Variants in COPS4 observed in about 807,000 individuals in gnomAD.
COPS4 encodes the protein COP9 signalosome complex subunit 4.
Under a neutral mutation model 55.1 loss-of-function variants are expected in COPS4, and 8 were observed. The observed-to-expected ratio is 0.15, with a 90% CI of 0.09 to 0.26. The LOEUF (loss-of-function observed/expected upper bound fraction) is 0.26. Among genes scored for constraint, COPS4 ranks in the 10% least tolerant of loss-of-function variants. The pLI is 1.00. For missense variants in COPS4, 248 were observed against 484.0 expected, an observed-to-expected ratio of 0.51 and a Z score of 4.58; for synonymous variants, 185 against 165.7, an observed-to-expected ratio of 1.12 and a Z score of -0.90.
intron 6 of COPS4, among the ~76,000 whole-genome samples, chr4:83,060,310 A>G (rs1217847069): frequency 3.0e-5 from 4 of 133,610 alleles, no homozygotes; most frequent in Non-Finnish European, 6.1e-5. Context: ...CAGCCTCCGG[A>G]GTAGCTGGGA....
rs774903939 is a variant in COPS4 at position 83,056,977 on chromosome 4, A to G, written c.462A>G (p.Leu154=). 4 of 1,613,428 alleles carry G rather than the reference A, an allele frequency of 2.5e-6. No individual in the cohort carries two copies. The highest frequency in any genetic ancestry group is 1.7e-5 in the Admixed American group (1 of 60,018). ...KLETYLKIAR[L]YLEDDDPVQA... Reference sequence around the variant, plus strand: ...AGACTTACTTGAAGATTGCTAGGCTATATCTGGAGGATGATGATCCAGTCC... The same window carrying G: ...AGACTTACTTGAAGATTGCTAGGCTGTATCTGGAGGATGATGATCCAGTCC... The change falls in exon 5 of 10, where the codon CTA becomes CTG. Residue 154 remains leucine (L), a synonymous_variant. Transcript: ENST00000264389.
intron 1 of COPS4, among the ~76,000 whole-genome samples, chr4:83,042,498 C>T (rs1050879837): frequency 6.8e-6 from 1 of 147,846 alleles, no homozygotes; most frequent in East Asian, 2.0e-4. Flanking sequence ...TGCTGTACCT[C>T]ACTTTTTTTA....
At position 83,054,168 on chromosome 4, in the gene COPS4, A is replaced by C. The variant is rs1488754714; in HGVS notation, c.411-2758A>C. On this transcript the variant is annotated intron_variant, in intron 4 of 9. Transcript: ENST00000264389. ...CCATCCTGGCTAACATGGTGAAACC[A>C]CGTCTCTACTAAAAATATAAAAAAT... Among the ~76,000 whole-genome samples, 6 of 152,066 alleles carry C rather than the reference A, an allele frequency of 3.9e-5. No individual in the cohort carries two copies. In the East Asian group the frequency reaches 1.2e-3, roughly 29 times the overall value.
intron 1 of COPS4, among the ~76,000 whole-genome samples, chr4:83,037,483 A>G (rs1459615305): frequency 6.6e-6 from 1 of 152,254 alleles, no homozygotes; most frequent in Admixed American, 6.5e-5. Context: ...TAGCCAGTGC[A>G]GTCTTAGCCA....
chr4:83,038,813 T>C (rs866676615), intron 1 of COPS4, among the ~76,000 whole-genome samples: 2 of 152,110 alleles, frequency 1.3e-5, no homozygotes, highest in African/African-American at 4.8e-5. Context: ...GACTACTTTT[T>C]TTTGTATTTT....
chr4:83,066,847 C>A (rs187712519), intron 8 of COPS4, among the ~76,000 whole-genome samples: 1 of 152,102 alleles, frequency 6.6e-6, no homozygotes, highest in East Asian at 1.9e-4. Flanking sequence ...GTTATGACAC[C>A]CATTTTCTGA....
At chr4:83,073,956 C>CAAA (rs34926790) in intron 9 of COPS4, among the ~76,000 whole-genome samples, 1 of 144,428 alleles carries the variant, frequency 6.9e-6, no homozygotes, top group African/African-American at 2.6e-5. Flanking sequence ...GACTCCGTCT[C>CAAA]AAAAAAAAAA....
intron 9 of COPS4, among the ~76,000 whole-genome samples, chr4:83,073,668 G>C (rs1303961058): frequency 6.6e-6 from 1 of 152,082 alleles, no homozygotes; most frequent in Non-Finnish European, 1.5e-5. Flanking sequence ...GATTTTATAG[G>C]TTGCGGCTGG....
chr4:83,060,340 C>G (rs1359221420), intron 6 of COPS4, among the ~76,000 whole-genome samples: 8 of 122,226 alleles, frequency 6.5e-5, no homozygotes, highest in Admixed American at 5.7e-4. Context: ...CCCGCCACCA[C>G]GCGCAGCTAA....
intron 4 of COPS4, among the ~76,000 whole-genome samples, chr4:83,053,437 T>C (rs1201640200): frequency 6.6e-6 from 1 of 151,932 alleles, no homozygotes; most frequent in Non-Finnish European, 1.5e-5. Context: ...GTGAGGCCTT[T>C]ATGGAGAAAG....
In COPS4 at chr4:83,038,461, G is replaced by A. The variant is rs117689798; in HGVS notation, c.74+3163G>A. Among the ~76,000 whole-genome samples the A allele has an allele frequency of 5.7e-3, 866 of 151,998 alleles. 55 individuals are homozygous for A. The East Asian group carries it at 0.13, about 23-fold the overall frequency. On this transcript the variant is annotated intron_variant, in intron 1 of 9. Transcript: ENST00000264389. ...CTAAACAAACACATCTACCTTTTTGGCCTTATTTTCACAAAAAAAAATTGA... is the reference window on the plus strand; with the variant it reads ...CTAAACAAACACATCTACCTTTTTGACCTTATTTTCACAAAAAAAAATTGA...
At chr4:83,065,890 C>T (rs747264528) in intron 7 of COPS4, among the ~76,000 whole-genome samples, 4 of 152,220 alleles carry the variant, frequency 2.6e-5, no homozygotes, top group Non-Finnish European at 5.9e-5. Flanking sequence ...TGCCGCGGCT[C>T]ATGCCTGTAA....
intron 1 of COPS4, among the ~76,000 whole-genome samples, chr4:83,044,415 A>C (rs1486671285): frequency 2.1e-5 from 3 of 144,008 alleles, no homozygotes; most frequent in African/African-American, 5.2e-5. Flanking sequence ...AGTGCACTCC[A>C]GCCTGGGTGA....
intron 1 of COPS4, among the ~76,000 whole-genome samples, chr4:83,042,138 T>A (rs1265552921): frequency 6.6e-6 from 1 of 152,218 alleles, no homozygotes; most frequent in African/African-American, 2.4e-5. Flanking sequence ...GTGCTGGGAT[T>A]ACAGGCGTGA....
chr4:83,043,590 A>T lies in COPS4; in HGVS notation c.75-2036A>T, dbSNP rs1370873153. Among the ~76,000 whole-genome samples the T allele has an allele frequency of 2.6e-5, 4 of 151,066 alleles. No homozygotes were observed. The East Asian group carries it at 7.7e-4, about 29-fold the overall frequency. ...AACTTAGGTTAATTAGCAAATTTAT[A>T]TAAGTGAGACACTATTACCTTTGAA... On this transcript the variant is annotated intron_variant, in intron 1 of 9. Coordinates refer to ENST00000264389, the MANE Select transcript of COPS4 (RefSeq NM_016129.3).
intron 9 of COPS4, among the ~76,000 whole-genome samples, chr4:83,071,350 G>T (rs569596075): frequency 1.3e-5 from 2 of 152,164 alleles, no homozygotes; most frequent in Non-Finnish European, 2.9e-5. Flanking sequence ...AATGTTGCTT[G>T]TCTATTTCCT....
intron 1 of COPS4, among the ~76,000 whole-genome samples, chr4:83,036,564 C>G (rs961693794): frequency 6.6e-6 from 1 of 152,200 alleles, no homozygotes; most frequent in African/African-American, 2.4e-5. Flanking sequence ...TTATTCTTGT[C>G]TGACATTATC....
intron 1 of COPS4, among the ~76,000 whole-genome samples, chr4:83,044,870 T>C (rs1478812434): frequency 6.6e-6 from 1 of 152,198 alleles, no homozygotes; most frequent in Non-Finnish European, 1.5e-5. Context: ...CCGTTGAATA[T>C]TTGAGTGCTT....
intron 6 of COPS4, among the ~76,000 whole-genome samples, chr4:83,058,141 A>G (rs921808669): frequency 1.3e-5 from 2 of 151,946 alleles, no homozygotes; most frequent in African/African-American, 2.4e-5. Context: ...AATACGTGTA[A>G]CAAATATTGT....
Sources: gnomAD v4.1 joint callset for allele counts (sites outside exome capture counted in the v4.1 genomes callset) on GRCh38, gnomAD v4.1.1 for gene constraint, MANE v1.5 for transcripts, NCBI Gene and HGNC (gene_info 2026-07-23, HGNC 2026-07-21) for gene names.